The following SCFD2 variants were observed in gnomAD, a reference collection of about 807,000 sequenced individuals.
SCFD2 encodes sec1 family domain-containing protein 2.
In SCFD2, 54 loss-of-function variants were observed where a neutral mutation model predicts 58.9. The observed-to-expected ratio is 0.92, with a 90% CI of 0.74 to 1.15. The LOEUF (loss-of-function observed/expected upper bound fraction) is 1.15, where lower values mean the gene tolerates loss of function less well. SCFD2 is among the 50% of genes most tolerant of loss of function. The pLI, the probability that SCFD2 is intolerant of heterozygous loss-of-function variation, is 0.00. For missense variants in SCFD2, 805 were observed against 836.6 expected (o/e 0.96, Z 0.47); for synonymous variants, 321 against 335.9 (o/e 0.96, Z 0.49).
At chr4:52,931,763 T>A (rs1317217673) in intron 5 of SCFD2, among the ~76,000 whole-genome samples, 4 of 152,228 alleles carry the variant, frequency 2.6e-5, no homozygotes, top group African/African-American at 9.7e-5. Context: ...GAAGCCCAGA[T>A]GCATCTTCTG....
intron 5 of SCFD2, among the ~76,000 whole-genome samples, chr4:53,015,074 C>T (rs557101941): frequency 4.0e-4 from 61 of 152,278 alleles, no homozygotes; most frequent in Non-Finnish European, 7.8e-4. Context: ...GTCAGTGAGT[C>T]AGGAGGAGAA....
intron 4 of SCFD2, among the ~76,000 whole-genome samples, chr4:53,209,269 TA>T (rs1728529774): frequency 6.6e-6 from 1 of 152,122 alleles, no homozygotes; most frequent in African/African-American, 2.4e-5. Flanking sequence ...ATGCCCTTGA[TA>T]AAGCTAAATA....
chr4:52,972,973 AACAAAG>A (rs1324060604), intron 5 of SCFD2, among the ~76,000 whole-genome samples: 2 of 152,236 alleles, frequency 1.3e-5, no homozygotes, highest in African/African-American at 2.4e-5. Flanking sequence ...AACCAATGAG[AACAAAG>A]ACACAACATA....
chr4:52,911,466 G>A (rs961831577), intron 6 of SCFD2, among the ~76,000 whole-genome samples: 2 of 152,144 alleles, frequency 1.3e-5, no homozygotes, highest in African/African-American at 4.8e-5. Flanking sequence ...TTGAGACTTT[G>A]TGATTGTTCT....
chr4:53,146,114 A>G (rs1227337914), intron 4 of SCFD2, among the ~76,000 whole-genome samples: 1 of 152,222 alleles, frequency 6.6e-6, no homozygotes, highest in East Asian at 1.9e-4. Flanking sequence ...AATAAAATAC[A>G]GAATCACACA....
intron 7 of SCFD2, among the ~76,000 whole-genome samples, chr4:52,906,181 C>G (rs1309957077): frequency 6.6e-6 from 1 of 152,148 alleles, no homozygotes; most frequent in African/African-American, 2.4e-5. Flanking sequence ...GGCCAGACCC[C>G]CCTGTACAGG....
chr4:52,921,469 C>T (rs534865091), intron 5 of SCFD2, among the ~76,000 whole-genome samples: 90 of 152,110 alleles, frequency 5.9e-4, no homozygotes, highest in Middle Eastern at 3.4e-3. Context: ...TTGTTAGAAG[C>T]TCATTCAGAG....
intron 1 of SCFD2, among the ~76,000 whole-genome samples, chr4:53,356,078 C>G (rs577980820): frequency 3.3e-5 from 5 of 152,292 alleles, no homozygotes; most frequent in African/African-American, 1.2e-4. Flanking sequence ...GCTGGAGGAT[C>G]TATTTCTCAG....
intron 4 of SCFD2, among the ~76,000 whole-genome samples, chr4:53,165,500 G>A (rs997386263): frequency 6.6e-6 from 1 of 151,920 alleles, no homozygotes; most frequent in South Asian, 2.1e-4. Flanking sequence ...TGACTTGCAC[G>A]ACCCTACATG....
intron 4 of SCFD2, among the ~76,000 whole-genome samples, chr4:53,161,266 T>C (rs1371949181): frequency 2.0e-5 from 3 of 152,206 alleles, no homozygotes; most frequent in African/African-American, 7.2e-5. Flanking sequence ...CATTGAGCTG[T>C]ACTTTTCTAT....
intron 8 of SCFD2, among the ~76,000 whole-genome samples, chr4:52,882,376 C>G (rs1289376211): frequency 6.6e-6 from 1 of 152,126 alleles, no homozygotes; most frequent in Non-Finnish European, 1.5e-5. Context: ...TGGGCTTCAT[C>G]TAGAGGAGAT....
chr4:53,238,749 C>T (rs1383763723), intron 4 of SCFD2, among the ~76,000 whole-genome samples: 1 of 150,988 alleles, frequency 6.6e-6, no homozygotes, highest in Non-Finnish European at 1.5e-5. Context: ...GCGCTCCCCA[C>T]ATCTCAGACG....
At chr4:53,039,017 T>C (rs965119211) in intron 5 of SCFD2, among the ~76,000 whole-genome samples, 1 of 152,126 alleles carries the variant, frequency 6.6e-6, no homozygotes, top group African/African-American at 2.4e-5. Flanking sequence ...GACAAAAATA[T>C]TTCCTTAAAC....
At chr4:53,249,176 C>T (rs1436665794) in intron 4 of SCFD2, among the ~76,000 whole-genome samples, 4 of 151,642 alleles carry the variant, frequency 2.6e-5, no homozygotes, top group East Asian at 1.9e-4. Context: ...CCTCAGGAGC[C>T]GATGAGATAA....
chr4:53,014,142 G>A (rs909907671), intron 5 of SCFD2, among the ~76,000 whole-genome samples: 2 of 152,172 alleles, frequency 1.3e-5, no homozygotes, highest in Non-Finnish European at 2.9e-5. Context: ...ATTATGGTAT[G>A]GTAGGCGCTA....
chr4:53,210,376 C>T (rs139584259), intron 4 of SCFD2, among the ~76,000 whole-genome samples: 8 of 152,122 alleles, frequency 5.3e-5, no homozygotes, highest in African/African-American at 1.9e-4. Context: ...AGGGGTTCCA[C>T]GAGGTCAAAA....
At chr4:53,188,887 T>G (rs768976230) in intron 4 of SCFD2, among the ~76,000 whole-genome samples, 1 of 152,178 alleles carries the variant, frequency 6.6e-6, no homozygotes, top group Non-Finnish European at 1.5e-5. Flanking sequence ...CCAGCATCCA[T>G]TGCCCCTTCT....
In SCFD2 at chr4:53,138,525, T is replaced by C. The variant is rs1249398112; in HGVS notation, c.1561+6808A>G. 2.0e-5 allele frequency among the ~76,000 whole-genome samples: 3 copies of C among 152,328 alleles called. No homozygotes were observed. The South Asian group carries it at 6.2e-4, about 32-fold the overall frequency. ...AGAACTTAGCATGACTGAGAAAGCA[T>C]AACACTAATCAACATACTTGGCTGT... On this transcript the variant is annotated intron_variant, in intron 5 of 8. Transcript: ENST00000401642.
chr4:53,250,876 G>A (rs1730343052), intron 4 of SCFD2, among the ~76,000 whole-genome samples: 1 of 152,034 alleles, frequency 6.6e-6, no homozygotes, highest in Non-Finnish European at 1.5e-5. Context: ...CTAGCAGAAG[G>A]CAAGAAATAA....
Sources: allele counts gnomAD v4.1 joint callset (sites outside exome capture counted in the v4.1 genomes callset), GRCh38; gene constraint gnomAD v4.1.1; transcripts MANE v1.5; gene names NCBI Gene and HGNC (gene_info 2026-07-23, HGNC 2026-07-21).